The following TNKS variants were observed in gnomAD, a reference collection of about 807,000 sequenced individuals.
TNKS encodes poly [ADP-ribose] polymerase tankyrase-1.
In TNKS, 72 loss-of-function variants were observed where a neutral mutation model predicts 135.8. The ratio of observed to expected loss-of-function variants is 0.53; its 90% CI spans 0.44 to 0.64. The LOEUF is 0.64. Ranked by LOEUF, TNKS falls within the 30% of genes least tolerant of loss-of-function variation. The probability of loss-of-function intolerance (pLI) is 0.00; values close to 1 mark genes in which losing one functional copy is unlikely to be tolerated. For missense variants in TNKS, 1,769 were observed against 1,674.0 expected (o/e 1.06, Z -0.99); for synonymous variants, 849 against 649.3 (o/e 1.31, Z -4.68).
Position 9,658,291 on chromosome 8 carries a change from G to A in TNKS, c.995-21660G>A, listed in dbSNP as rs1452567936. The A allele has an allele frequency of 1.7e-5, 7 of 420,872 alleles. No homozygotes were observed. The East Asian group carries it at 2.5e-4, about 15-fold the overall frequency. The allele number at this position is 420,872 out of a possible 1,614,324, so 26.1% of individuals were successfully genotyped here. A position where few individuals can be genotyped will look rare whatever the true frequency, so the allele number is the denominator to read the frequency against. ...GCACTTTGGGAGGCCAAGGCAGGCG[G>A]CTGCTCCTTGCCCTCGGGCCCCGCG... On this transcript the variant is annotated intron_variant, in intron 3 of 26. Coordinates refer to ENST00000310430, the MANE Select transcript of TNKS (RefSeq NM_003747.3).
intron 3 of TNKS, among the ~76,000 whole-genome samples, chr8:9,626,926 C>G (rs1038331251): frequency 2.0e-5 from 3 of 152,180 alleles, no homozygotes; most frequent in African/African-American, 7.2e-5. Flanking sequence ...TTTTTGTATG[C>G]TAATGAGTTT....
Position 9,752,059 on chromosome 8 carries a change from T to C in TNKS, c.3070+213T>C, listed in dbSNP as rs1401330876. Among the ~76,000 whole-genome samples, 4 of 152,206 alleles carry C rather than the reference T, an allele frequency of 2.6e-5. No homozygotes were observed. The East Asian group carries it at 7.7e-4, about 29-fold the overall frequency. On this transcript the variant is annotated intron_variant, in intron 19 of 26. Coordinates refer to ENST00000310430, the MANE Select transcript of TNKS (RefSeq NM_003747.3). ...TCTTATTTCTGTATATTCTAGAGCA[T>C]CTGTTTACAACCATAGCATCTTATT... is the stretch of plus-strand genomic sequence containing the variant.
intron 5 of TNKS, among the ~76,000 whole-genome samples, chr8:9,684,887 T>A (rs1173285993): frequency 6.6e-6 from 1 of 152,122 alleles, no homozygotes; most frequent in Non-Finnish European, 1.5e-5. Flanking sequence ...GCTAATGCAT[T>A]AAAATGATAC....
At chr8:9,652,743 A>G (rs971805983) in intron 3 of TNKS, among the ~76,000 whole-genome samples, 5 of 152,322 alleles carry the variant, frequency 3.3e-5, no homozygotes, top group African/African-American at 1.2e-4. Flanking sequence ...TATTATCATC[A>G]TCATCACTAT....
At position 9,776,775 on chromosome 8, in the gene TNKS, T is replaced by C; in HGVS notation, c.*39T>C. ...GTGAAGGCCAGATCAGATTTCAACCTGGGACTGGATTACAGAGGATTGTTT... is the reference window on the plus strand; with the variant it reads ...GTGAAGGCCAGATCAGATTTCAACCCGGGACTGGATTACAGAGGATTGTTT... On this transcript the variant is annotated 3_prime_UTR_variant, in exon 27 of 27. Coordinates refer to ENST00000310430, the MANE Select transcript of TNKS (RefSeq NM_003747.3). 6.4e-7 allele frequency: 1 copy of C among 1,568,200 alleles called. No homozygotes were observed. Among genetic ancestry groups the C allele is most frequent in the Non-Finnish European group, 8.8e-7 (1 of 1,138,702 alleles).
intron 3 of TNKS, among the ~76,000 whole-genome samples, chr8:9,634,192 G>T (rs1253667431): frequency 2.6e-5 from 4 of 150,988 alleles, no homozygotes; most frequent in Admixed American, 6.6e-5. Context: ...GAGAACAGAG[G>T]GTAGATAAGA....
At chr8:9,635,114 G>T (rs1402630723) in intron 3 of TNKS, among the ~76,000 whole-genome samples, 1 of 151,954 alleles carries the variant, frequency 6.6e-6, no homozygotes, top group Non-Finnish European at 1.5e-5. Context: ...AGCTTGCAGT[G>T]AGCCGAGACC....
chr8:9,655,948 C>T (rs543768781), intron 3 of TNKS, among the ~76,000 whole-genome samples: 13 of 152,154 alleles, frequency 8.5e-5, no homozygotes, highest in Middle Eastern at 6.8e-3. Context: ...CTATTCCGAG[C>T]TAAAGGAGGA....
intron 2 of TNKS, among the ~76,000 whole-genome samples, chr8:9,588,855 A>G (rs1205508984): frequency 6.6e-6 from 1 of 152,194 alleles, no homozygotes; most frequent in Non-Finnish European, 1.5e-5. Flanking sequence ...CCAGGAAAAC[A>G]AAGGAAAAGT....
rs777341024 is a variant in TNKS, at chr8:9,570,790, C to A, written c.674-9369C>A. On this transcript the variant is annotated intron_variant, in intron 1 of 26. Transcript: ENST00000310430. ...TACAGGGTCATTCTCAGGGTATGCT[C>A]AGGCTAAGTCATTGCTGTCATGTGT... 2.9e-4 allele frequency among the ~76,000 whole-genome samples: 44 copies of A among 152,268 alleles called. No individual in the cohort carries two copies. The Middle Eastern group carries it at 0.014, about 47-fold the overall frequency.
chr8:9,722,371 G>T (rs1039062567), intron 12 of TNKS: 3 of 152,136 alleles, frequency 2.0e-5, no homozygotes, highest in African/African-American at 7.2e-5. Flanking sequence ...GAAAACTATT[G>T]ATGAGGATTT....
At chr8:9,575,864 C>G (rs1296179000) in intron 1 of TNKS, among the ~76,000 whole-genome samples, 1 of 152,160 alleles carries the variant, frequency 6.6e-6, no homozygotes, top group African/African-American at 2.4e-5. Flanking sequence ...TATTTTCCTG[C>G]TTGATAAGAA....
chr8:9,725,357 A>C (rs1805112248), intron 12 of TNKS, among the ~76,000 whole-genome samples: 1 of 152,210 alleles, frequency 6.6e-6, no homozygotes, highest in African/African-American at 2.4e-5. Flanking sequence ...AAGAATAATA[A>C]TTCAAAGATT....
At chr8:9,647,951 T>G (rs1031676283) in intron 3 of TNKS, among the ~76,000 whole-genome samples, 1 of 152,212 alleles carries the variant, frequency 6.6e-6, no homozygotes, top group Admixed American at 6.5e-5. Flanking sequence ...GTTACTCCAC[T>G]GAATACTGTA....
In TNKS at chr8:9,782,281, T is replaced by G. The variant is rs945192821; in HGVS notation, c.*5545T>G. On this transcript the variant is annotated 3_prime_UTR_variant, in exon 27 of 27. Coordinates refer to ENST00000310430, the MANE Select transcript of TNKS (RefSeq NM_003747.3). Reference sequence around the variant, plus strand: ...ATTATATTTAACCTGCAATTGTGCTTTGGCTTAATGTCTAGCTCACTGTAC... The same window carrying G: ...ATTATATTTAACCTGCAATTGTGCTGTGGCTTAATGTCTAGCTCACTGTAC... 4 of 152,680 alleles carry G rather than the reference T, an allele frequency of 2.6e-5. No individual in the cohort carries two copies. Among genetic ancestry groups the G allele is most frequent in the African/African-American group, 9.6e-5 (4 of 41,472 alleles). 9.5% of individuals were successfully genotyped at this position (152,680 alleles called of 1,614,324 possible). A position where few individuals can be genotyped will look rare whatever the true frequency, so the allele number is the denominator to read the frequency against.
rs1235758043 is a variant in TNKS, at chr8:9,556,902, T to C, written c.673+290T>C. ...ATGGATATATTTACACTTTAGTTTT[T>C]GGTGTGCAGGAATACAGTTAGATTT... On this transcript the variant is annotated intron_variant, in intron 1 of 26. Transcript: ENST00000310430. 1.5e-5 allele frequency: 8 copies of C among 539,258 alleles called. No individual in the cohort carries two copies. The South Asian group carries it at 2.3e-4, about 16-fold the overall frequency. The allele number at this position is 539,258 out of a possible 1,614,324, so 33.4% of individuals were successfully genotyped here.
At chr8:9,711,900 T>C (rs1372366163) in intron 11 of TNKS, among the ~76,000 whole-genome samples, 1 of 152,186 alleles carries the variant, frequency 6.6e-6, no homozygotes, top group East Asian at 1.9e-4. Context: ...AACAGAATTT[T>C]CTCACCTGTT....
chr8:9,571,330 G>C (rs559249460), intron 1 of TNKS, among the ~76,000 whole-genome samples: 1 of 152,082 alleles, frequency 6.6e-6, no homozygotes, highest in African/African-American at 2.4e-5. Context: ...CTGTCGCTTT[G>C]GTAATCGTCT....
intron 20 of TNKS, among the ~76,000 whole-genome samples, chr8:9,752,916 G>C (rs143351610): frequency 7.3e-5 from 11 of 150,306 alleles, no homozygotes; most frequent in African/African-American, 2.7e-4. Context: ...AGTGAGCTGT[G>C]ATTGTGCCAC....
Sources: allele counts gnomAD v4.1 joint callset (sites outside exome capture counted in the v4.1 genomes callset), GRCh38; gene constraint gnomAD v4.1.1; transcripts MANE v1.5; gene names NCBI Gene and HGNC (gene_info 2026-07-23, HGNC 2026-07-21).